MAN1C1: variants seen among roughly 807,000 people sequenced by gnomAD.
MAN1C1 encodes mannosyl-oligosaccharide 1,2-alpha-mannosidase IC.
MAN1C1 carries 49 observed loss-of-function variants against 71.5 expected under a neutral mutation model. The ratio of observed to expected loss-of-function variants is 0.69; its 90% CI spans 0.54 to 0.87. The LOEUF (loss-of-function observed/expected upper bound fraction) is 0.87. Ranked by LOEUF, MAN1C1 falls within the 40% of genes least tolerant of loss-of-function variation. The pLI is 0.00. For missense variants in MAN1C1, 743 were observed against 835.0 expected (o/e 0.89, Z 1.36); for synonymous variants, 352 against 343.7 (o/e 1.02, Z -0.27).
intron 1 of MAN1C1, among the ~76,000 whole-genome samples, chr1:25,639,134 G>T (rs896117950): frequency 1.3e-5 from 2 of 151,984 alleles, no homozygotes; most frequent in African/African-American, 2.4e-5. Context: ...ACAATATGTT[G>T]TAAGCTCACC....
intron 1 of MAN1C1, among the ~76,000 whole-genome samples, chr1:25,621,236 T>TGTG (rs1174441247): frequency 1.3e-5 from 2 of 152,120 alleles, no homozygotes; most frequent in African/African-American, 4.8e-5. Flanking sequence ...GGGACAATGG[T>TGTG]GTGGTGGTAG....
Position 25,631,255 on chromosome 1 carries a change from A to G in MAN1C1, c.540+12918A>G, listed in dbSNP as rs1374616275. Reference sequence around the variant, plus strand: ...AGTGCTAGGATTACAGGCATGAGCCACCGCACCCAGCCCAGTGCTATGTTT... The same window carrying G: ...AGTGCTAGGATTACAGGCATGAGCCGCCGCACCCAGCCCAGTGCTATGTTT... On this transcript the variant is annotated intron_variant, in intron 1 of 11. Coordinates refer to ENST00000374332, the MANE Select transcript of MAN1C1 (RefSeq NM_020379.4). This position sits in a 1 kb window ranked among gnomAD's most constrained non-coding sequence, Gnocchi z 4.2. Among the ~76,000 whole-genome samples, 1 of 152,208 alleles carries G rather than the reference A, an allele frequency of 6.6e-6. No homozygotes were observed. The highest frequency in any genetic ancestry group is 1.5e-5 in the Non-Finnish European group (1 of 68,034).
chr1:25,685,531 T>G (rs373225151), intron 1 of MAN1C1, among the ~76,000 whole-genome samples: 1 of 152,354 alleles, frequency 6.6e-6, no homozygotes, highest in African/African-American at 2.4e-5. Context: ...GGGGGTGGAC[T>G]GTGACCTTGC....
chr1:25,761,838 G>C (rs2047363818), intron 6 of MAN1C1, among the ~76,000 whole-genome samples: 1 of 151,842 alleles, frequency 6.6e-6, no homozygotes, highest in African/African-American at 2.4e-5. Flanking sequence ...GGCCAGGCTG[G>C]TCTCGAACTC....
At chr1:25,651,079 G>T (rs1437599582) in intron 1 of MAN1C1, among the ~76,000 whole-genome samples, 1 of 152,104 alleles carries the variant, frequency 6.6e-6, no homozygotes, top group Non-Finnish European at 1.5e-5. Flanking sequence ...ATTGCCACTG[G>T]GTGAACACTC....
chr1:25,696,803 G>C (rs947856980), intron 2 of MAN1C1, among the ~76,000 whole-genome samples: 2 of 151,910 alleles, frequency 1.3e-5, no homozygotes, highest in African/African-American at 4.8e-5. Context: ...GGGACACCAC[G>C]CCTGGCTAAT....
At chr1:25,670,370 T>TA (rs1048851092) in intron 1 of MAN1C1, among the ~76,000 whole-genome samples, 54 of 152,028 alleles carry the variant, frequency 3.6e-4, no homozygotes, top group African/African-American at 1.0e-3. Context: ...CCTGTTTCTT[T>TA]AAAAAAAAAT....
intron 1 of MAN1C1, among the ~76,000 whole-genome samples, chr1:25,627,131 ACTTTC>A (rs1339261642): frequency 4.6e-5 from 7 of 152,206 alleles, no homozygotes; most frequent in Non-Finnish European, 8.8e-5. Flanking sequence ...GTTGAAAAAA[ACTTTC>A]CTTTCCCTGC....
intron 7 of MAN1C1, among the ~76,000 whole-genome samples, chr1:25,767,862 C>CTA (rs1557800144): frequency 2.7e-5 from 3 of 111,554 alleles, no homozygotes; most frequent in South Asian, 3.0e-4. Context: ...TACACTCCCC[C>CTA]CACACACTCC....
intron 2 of MAN1C1, among the ~76,000 whole-genome samples, chr1:25,739,634 C>T (rs1233467391): frequency 3.8e-4 from 58 of 152,188 alleles, no homozygotes; most frequent in Admixed American, 3.7e-3. Flanking sequence ...GTTCCTGGCT[C>T]AGCAGCTCCT....
chr1:25,655,729 T>G (rs2045754937), intron 1 of MAN1C1, among the ~76,000 whole-genome samples: 1 of 152,110 alleles, frequency 6.6e-6, no homozygotes. Flanking sequence ...AATTCTTCAT[T>G]TTTTCCTCCG....
At chr1:25,632,162 A>G (rs2045390933) in intron 1 of MAN1C1, among the ~76,000 whole-genome samples, 1 of 152,074 alleles carries the variant, frequency 6.6e-6, no homozygotes, top group African/African-American at 2.4e-5. Flanking sequence ...GCAATTTTAA[A>G]TTTACTGATT....
At chr1:25,635,606 C>T (rs542858433) in intron 1 of MAN1C1, among the ~76,000 whole-genome samples, 10 of 151,992 alleles carry the variant, frequency 6.6e-5, no homozygotes, top group Admixed American at 3.3e-4. Context: ...TGTGCCACCA[C>T]GCCTGGCTAA....
Position 25,758,700 on chromosome 1 carries a change from C to T in MAN1C1, c.1038C>T (p.Phe346=), listed in dbSNP as rs775118078. 1.2e-4 allele frequency: 192 copies of T among 1,613,664 alleles called. No individual in the cohort carries two copies. Among genetic ancestry groups the T allele is most frequent in the South Asian group, 4.0e-4 (36 of 91,064 alleles). Reference sequence around the variant, plus strand: ...CTGAACTCTCTGGCAACCAGGTCTTCGCTGAAAAGGCAAGTCTCCTCCCCA... The same window carrying T: ...CTGAACTCTCTGGCAACCAGGTCTTTGCTGAAAAGGCAAGTCTCCTCCCCA... ...HLTELSGNQV[F]AEKVRNIRKV... Residue 346 remains phenylalanine, a synonymous_variant, in exon 6 of 12, where the codon TTC becomes TTT. Coordinates refer to ENST00000374332, the MANE Select transcript of MAN1C1 (RefSeq NM_020379.4).
chr1:25,699,203 G>A (rs992707003), intron 2 of MAN1C1, among the ~76,000 whole-genome samples: 3 of 151,944 alleles, frequency 2.0e-5, no homozygotes. Context: ...AGGAGGCTGA[G>A]GCAGGAGAAT....
chr1:25,762,205 C>T (rs1038633216), intron 6 of MAN1C1, among the ~76,000 whole-genome samples: 2 of 149,872 alleles, frequency 1.3e-5, no homozygotes, highest in African/African-American at 4.9e-5. Flanking sequence ...TAGCTCACTC[C>T]AGCCTCAATC....
At chr1:25,663,107 A>G (rs2045874161) in intron 1 of MAN1C1, among the ~76,000 whole-genome samples, 1 of 148,234 alleles carries the variant, frequency 6.7e-6, no homozygotes, top group Non-Finnish European at 1.5e-5. Context: ...AAAATTATAC[A>G]TATATATATT....
At chr1:25,661,962 T>G (rs2045856249) in intron 1 of MAN1C1, among the ~76,000 whole-genome samples, 1 of 152,318 alleles carries the variant, frequency 6.6e-6, no homozygotes, top group African/African-American at 2.4e-5. Context: ...TTTTTTAACT[T>G]GGGGGCAATT....
intron 2 of MAN1C1, among the ~76,000 whole-genome samples, chr1:25,703,183 C>G (rs1003411508): frequency 5.3e-5 from 8 of 152,158 alleles, no homozygotes; most frequent in African/African-American, 1.9e-4. Context: ...TCCCTCACTC[C>G]CATTAGCTCA....
Sources: allele counts gnomAD v4.1 joint callset (sites outside exome capture counted in the v4.1 genomes callset), GRCh38; gene constraint gnomAD v4.1.1; non-coding constraint Gnocchi (gnomAD v3.1); transcripts MANE v1.5; gene names NCBI Gene and HGNC (gene_info 2026-07-23, HGNC 2026-07-21).